TDRD9: variants seen among roughly 807,000 people sequenced by gnomAD.
The protein encoded by TDRD9 is tudor domain containing 9.
A neutral mutation model predicts 172.6 loss-of-function variants in TDRD9; 124 were observed. The observed-to-expected ratio is 0.72, with a 90% CI of 0.62 to 0.83. The LOEUF is 0.83. Among genes scored for constraint, TDRD9 ranks in the 40% least tolerant of loss-of-function variants. The pLI, the probability that TDRD9 is intolerant of heterozygous loss-of-function variation, is 0.00. For synonymous variants in TDRD9, 619 were observed against 617.1 expected (o/e 1.00, Z -0.05); for missense variants, 1,479 against 1,714.1 (o/e 0.86, Z 2.42).
chr14:104,049,246 A>G (rs530078004), intron 34 of TDRD9, among the ~76,000 whole-genome samples: 4 of 152,004 alleles, frequency 2.6e-5, no homozygotes, highest in South Asian at 2.1e-4. Context: ...CAAATTCCCT[A>G]TCTTTTTAAG....
At position 104,006,268 on chromosome 14, in the gene TDRD9, T is replaced by C. The variant is rs555123146; in HGVS notation, c.1714-121T>C. 108 of 754,618 alleles carry C rather than the reference T, an allele frequency of 1.4e-4. No individual in the cohort carries two copies. In the African/African-American group the frequency reaches 1.5e-3, roughly 11 times the overall value. 46.7% of individuals were successfully genotyped at this position (754,618 alleles called of 1,614,324 possible). On this transcript the variant is annotated intron_variant, in intron 15 of 35. Transcript: ENST00000409874. ...GGTAACATATCAACCTTTCATAAAT[T>C]GACTTAGAATGTTATTCACCAAAAT...
chr14:103,987,171 T>C (rs919584545), intron 8 of TDRD9, among the ~76,000 whole-genome samples: 7 of 150,402 alleles, frequency 4.7e-5, no homozygotes, highest in South Asian at 2.1e-4. Flanking sequence ...CACCATATGA[T>C]TGAGCCTTTA....
At chr14:103,991,122 G>A in intron 8 of TDRD9, 38 bp from the exon 9 acceptor site, 2 of 1,612,556 alleles carry the variant, frequency 1.2e-6, no homozygotes, top group South Asian at 1.1e-5. Flanking sequence ...GCTGTTATTA[G>A]CCTTCATTAA....
chr14:104,034,741 G>C (rs1189235151), intron 31 of TDRD9, among the ~76,000 whole-genome samples: 1 of 152,198 alleles, frequency 6.6e-6, no homozygotes, highest in Non-Finnish European at 1.5e-5. Flanking sequence ...ATCCCCAAGT[G>C]GGGTAAAAGC....
chr14:103,945,397 G>A (rs1270012596), intron 1 of TDRD9: 2 of 152,168 alleles, frequency 1.3e-5, no homozygotes, highest in Non-Finnish European at 2.9e-5. Flanking sequence ...TGTGCTACTT[G>A]CCTTACAGAT....
chr14:103,996,093 C>T (rs929310586), intron 12 of TDRD9, among the ~76,000 whole-genome samples: 8 of 152,130 alleles, frequency 5.3e-5, no homozygotes, highest in South Asian at 2.1e-4. Flanking sequence ...AGGTGGAGTT[C>T]TGTGACTGGA....
intron 1 of TDRD9, among the ~76,000 whole-genome samples, chr14:103,939,085 C>T (rs1169838562): frequency 2.0e-5 from 3 of 152,098 alleles, no homozygotes; most frequent in Non-Finnish European, 4.4e-5. Context: ...CTGCTTCAGT[C>T]ACCAGAAGCT....
At chr14:103,954,391 A>G (rs1040396084) in intron 1 of TDRD9, among the ~76,000 whole-genome samples, 2 of 152,222 alleles carry the variant, frequency 1.3e-5, no homozygotes, top group Admixed American at 1.3e-4. Context: ...TCTCCTTCAC[A>G]AGAATGGTAG....
At chr14:104,027,783 A>G (rs2035167799) in intron 28 of TDRD9, among the ~76,000 whole-genome samples, 1 of 152,180 alleles carries the variant, frequency 6.6e-6, no homozygotes, top group South Asian at 2.1e-4. Flanking sequence ...GTGCTGCAGA[A>G]CGCAAGAACC....
chr14:103,971,069 C>T (rs1347977678), intron 6 of TDRD9, among the ~76,000 whole-genome samples: 7 of 151,902 alleles, frequency 4.6e-5, no homozygotes, highest in South Asian at 2.1e-4. Flanking sequence ...CTGCAAGCTC[C>T]GCCTCCTGGG....
At chr14:104,049,983 G>T in intron 35 of TDRD9, 1 of 302,414 alleles carries the variant, frequency 3.3e-6, no homozygotes, top group Admixed American at 4.7e-5. Context: ...TGGTCTTTGT[G>T]AAATGCACCT....
intron 1 of TDRD9, among the ~76,000 whole-genome samples, chr14:103,942,943 TAAG>T (rs60367496): frequency 0.014 from 2,068 of 145,504 alleles, 105 homozygotes; most frequent in Admixed American, 0.12. Context: ...AATATGGTAA[TAAG>T]GCAGTAATTG....
chr14:103,950,151 G>A (rs1229833273), intron 1 of TDRD9, among the ~76,000 whole-genome samples: 1 of 132,576 alleles, frequency 7.5e-6, no homozygotes, highest in African/African-American at 2.8e-5. Context: ...GTGCCGTGGC[G>A]CAATCTCAGC....
At chr14:104,039,892 GA>G (rs1004551287) in intron 32 of TDRD9, among the ~76,000 whole-genome samples, 7 of 148,664 alleles carry the variant, frequency 4.7e-5, no homozygotes, top group East Asian at 3.9e-4. Flanking sequence ...GAAGGCAAGG[GA>G]AAAAAAAACC....
chr14:103,931,588 G>C (rs556554028), intron 1 of TDRD9, among the ~76,000 whole-genome samples: 22 of 152,166 alleles, frequency 1.4e-4, no homozygotes, highest in Non-Finnish European at 2.6e-4. Context: ...TGATTTTGTA[G>C]ATGAAGCAAT....
chr14:103,955,892 T>G, intron 2 of TDRD9, 122 bp downstream of exon 2: 1 of 759,732 alleles, frequency 1.3e-6, no homozygotes, highest in Non-Finnish European at 2.1e-6. Flanking sequence ...GGAGGATCAC[T>G]TAAGGCCAGG....
intron 28 of TDRD9, among the ~76,000 whole-genome samples, chr14:104,029,143 T>C (rs745829974): frequency 1.3e-5 from 2 of 152,230 alleles, no homozygotes; most frequent in Non-Finnish European, 2.9e-5. Context: ...TTCTTTTTGC[T>C]TAGGATTGCT....
In TDRD9 at chr14:103,987,429, C is replaced by T. The variant is rs1354638955; in HGVS notation, c.1115+1109C>T. Among the ~76,000 whole-genome samples, 4 of 152,060 alleles carry T rather than the reference C, an allele frequency of 2.6e-5. No homozygotes were observed. In the East Asian group the frequency reaches 7.7e-4, roughly 29 times the overall value. ...GCTATGTTCTGCTTTAGCTGTGTCC[C>T]ATTAGTTCTGCTATGTTGTGTCTTC... is the stretch of plus-strand genomic sequence containing the variant. On this transcript the variant is annotated intron_variant, in intron 8 of 35. Coordinates refer to ENST00000409874, the MANE Select transcript of TDRD9 (RefSeq NM_153046.3).
chr14:103,984,920 G>A (rs1278098203), intron 7 of TDRD9, among the ~76,000 whole-genome samples: 2 of 152,202 alleles, frequency 1.3e-5, no homozygotes, highest in Admixed American at 1.3e-4. Flanking sequence ...GCATCAGTGT[G>A]ACTTGGATGT....
Sources: gnomAD v4.1 joint callset for allele counts (sites outside exome capture counted in the v4.1 genomes callset) on GRCh38, gnomAD v4.1.1 for gene constraint, MANE v1.5 for transcripts, NCBI Gene and HGNC (gene_info 2026-07-23, HGNC 2026-07-21) for gene names.